Variants in CALN1 observed in about 807,000 individuals in gnomAD.
CALN1 encodes the protein calcium-binding protein 8.
CALN1 carries 17 observed loss-of-function variants against 30.6 expected under a neutral mutation model. That is an observed-to-expected ratio of 0.56 (90% CI 0.38 to 0.83). CALN1 has a LOEUF of 0.83. Ranked by LOEUF, CALN1 falls within the 40% of genes least tolerant of loss-of-function variation. CALN1 has a pLI of 0.00. For missense variants in CALN1, 291 were observed against 354.9 expected (o/e 0.82, Z 1.45); for synonymous variants, 156 against 131.4 (o/e 1.19, Z -1.28).
intron 4 of CALN1, among the ~76,000 whole-genome samples, chr7:72,081,121 G>C (rs942329622): frequency 1.3e-5 from 2 of 152,160 alleles, no homozygotes; most frequent in Non-Finnish European, 2.9e-5. Flanking sequence ...ATGTACAGCA[G>C]TGAGAGCATT....
intron 5 of CALN1, among the ~76,000 whole-genome samples, chr7:71,947,931 T>C (rs1796488429): frequency 1.3e-5 from 1 of 78,570 alleles, no homozygotes; most frequent in African/African-American, 5.4e-5. Context: ...CAAGACTCCG[T>C]CTCAAAAAAA....
intron 2 of CALN1, among the ~76,000 whole-genome samples, chr7:72,392,137 G>A (rs1292637110): frequency 6.6e-6 from 1 of 152,142 alleles, no homozygotes; most frequent in Non-Finnish European, 1.5e-5. Flanking sequence ...AAGCCACATG[G>A]CAAAACCATA....
At chr7:72,149,096 G>A (rs1787011498) in intron 3 of CALN1, among the ~76,000 whole-genome samples, 1 of 152,000 alleles carries the variant, frequency 6.6e-6, no homozygotes, top group Admixed American at 6.6e-5. Context: ...ATAAGTATAA[G>A]CTCCCTGAGT....
chr7:72,205,888 C>T (rs545000526), intron 3 of CALN1, among the ~76,000 whole-genome samples: 1 of 151,950 alleles, frequency 6.6e-6, no homozygotes, highest in Admixed American at 6.6e-5. Flanking sequence ...AATTATCTTC[C>T]CAAATATTAA....
chr7:72,318,723 T>C (rs1432546336), intron 2 of CALN1, among the ~76,000 whole-genome samples: 1 of 137,078 alleles, frequency 7.3e-6, no homozygotes, highest in Admixed American at 7.4e-5. Flanking sequence ...TTTTTTTTTT[T>C]TTTTTTTTTG....
intron 5 of CALN1, among the ~76,000 whole-genome samples, chr7:71,960,172 A>G (rs1797172083): frequency 7.5e-6 from 1 of 133,386 alleles, no homozygotes; most frequent in African/African-American, 2.8e-5. Context: ...TAAATAAATA[A>G]ATAAATAAAT....
At chr7:71,819,164 T>C (rs1397927625) in intron 5 of CALN1, among the ~76,000 whole-genome samples, 2 of 152,026 alleles carry the variant, frequency 1.3e-5, no homozygotes, top group Non-Finnish European at 2.9e-5. Flanking sequence ...TATTTATTTA[T>C]TTTTATTGTG....
At chr7:72,356,970 T>A (rs1040251075) in intron 2 of CALN1, among the ~76,000 whole-genome samples, 47 of 152,092 alleles carry the variant, frequency 3.1e-4, no homozygotes, top group African/African-American at 1.1e-3. Context: ...GGTTTTGTTT[T>A]GTTTTGTTTT....
At chr7:72,160,381 C>T (rs1363014349) in intron 3 of CALN1, among the ~76,000 whole-genome samples, 12 of 151,764 alleles carry the variant, frequency 7.9e-5, no homozygotes, top group East Asian at 1.9e-4. Context: ...CAGGTTCAAG[C>T]GATGCCCCTG....
intron 3 of CALN1, among the ~76,000 whole-genome samples, chr7:72,197,725 G>A (rs1170306703): frequency 2.0e-5 from 3 of 152,086 alleles, no homozygotes; most frequent in Non-Finnish European, 4.4e-5. Flanking sequence ...GCAAGATGGT[G>A]CACACCTGTA....
intron 6 of CALN1, among the ~76,000 whole-genome samples, chr7:71,795,919 C>T (rs910871926): frequency 1.2e-4 from 17 of 147,506 alleles, no homozygotes; most frequent in African/African-American, 4.0e-4. Context: ...CCCGGGTTCA[C>T]GTCATTCTCC....
intron 5 of CALN1, among the ~76,000 whole-genome samples, chr7:71,971,953 A>AAAAGAAAAAAAG (rs1797840757): frequency 2.7e-5 from 2 of 72,838 alleles, no homozygotes; most frequent in African/African-American, 7.0e-5. Context: ...AAAAAAAAAA[A>AAAAGAAAAAAAG]AAAGAAAGAA....
intron 2 of CALN1, among the ~76,000 whole-genome samples, chr7:72,381,829 G>A (rs575340183): frequency 1.3e-5 from 2 of 152,258 alleles, no homozygotes; most frequent in South Asian, 4.1e-4. Context: ...TAACCTGCAC[G>A]TTCTGCACAT....
At chr7:72,124,901 A>G (rs1000080386) in intron 3 of CALN1, among the ~76,000 whole-genome samples, 16 of 152,172 alleles carry the variant, frequency 1.1e-4, no homozygotes, top group Non-Finnish European at 2.2e-4. Flanking sequence ...AAGGAAAAAC[A>G]CAGATATGCA....
chr7:72,495,085 C>A, the CALN1 span, among the ~76,000 whole-genome samples: 1 of 152,166 alleles, frequency 6.6e-6, no homozygotes, highest in Admixed American at 6.5e-5. Context: ...GGGACCCACA[C>A]AAGTGCATGA....
chr7:71,823,176 GT>G (rs1562811468), intron 5 of CALN1, among the ~76,000 whole-genome samples: 27 of 148,030 alleles, frequency 1.8e-4, no homozygotes, highest in African/African-American at 6.8e-4. Context: ...CTCTCTCTCC[GT>G]CTCTCTCTCT....
intron 6 of CALN1, among the ~76,000 whole-genome samples, chr7:71,809,842 G>A (rs1316822253): frequency 6.7e-6 from 1 of 148,914 alleles, no homozygotes; most frequent in Non-Finnish European, 1.5e-5. Context: ...CTTTTTTTTG[G>A]CCAGTGCATT....
the CALN1 span, among the ~76,000 whole-genome samples, chr7:72,484,832 C>G: frequency 6.6e-6 from 1 of 152,182 alleles, no homozygotes; most frequent in Non-Finnish European, 1.5e-5. Context: ...CATTTCATCT[C>G]TTAGGGATAA....
chr7:71,805,500 C>T (rs1396556725), intron 6 of CALN1, among the ~76,000 whole-genome samples: 1 of 152,156 alleles, frequency 6.6e-6, no homozygotes, highest in Non-Finnish European at 1.5e-5. Flanking sequence ...GTGCTAGATT[C>T]ATCAAGACTT....
Sources: allele counts gnomAD v4.1 joint callset (sites outside exome capture counted in the v4.1 genomes callset), GRCh38; gene constraint gnomAD v4.1.1; transcripts MANE v1.5; gene names NCBI Gene and HGNC (gene_info 2026-07-23, HGNC 2026-07-21).